The following HNF4A variants were observed in gnomAD, a reference collection of about 807,000 sequenced individuals.
HNF4A encodes hepatocyte nuclear factor 4-alpha.
A neutral mutation model predicts 52.4 loss-of-function variants in HNF4A; 15 were observed. The observed-to-expected ratio is 0.29, with a 90% confidence interval of 0.19 to 0.44. The LOEUF is 0.44. Ranked by LOEUF, HNF4A falls within the 20% of genes least tolerant of loss-of-function variation. HNF4A has a pLI of 1.00. For missense variants in HNF4A, 479 were observed against 647.2 expected (o/e 0.74, Z 2.82); for synonymous variants, 280 against 264.4 (o/e 1.06, Z -0.57).
chr20:44,379,419 G>T (rs530308235), intron 1 of HNF4A, among the ~76,000 whole-genome samples: 1 of 152,158 alleles, frequency 6.6e-6, no homozygotes, highest in Non-Finnish European at 1.5e-5. Context: ...CACCAGCAGT[G>T]ATAGGAACGT....
At chr20:44,369,872 A>G (rs1245099133) in intron 1 of HNF4A, among the ~76,000 whole-genome samples, 2 of 151,926 alleles carry the variant, frequency 1.3e-5, no homozygotes, top group African/African-American at 4.8e-5. Flanking sequence ...ACCTCAAGCG[A>G]TTTGTCCACC....
chr20:44,377,813 A>C (rs1316524261), intron 1 of HNF4A: 4 of 152,240 alleles, frequency 2.6e-5, no homozygotes, highest in Admixed American at 2.6e-4. Flanking sequence ...TCACTCTGTT[A>C]CTCAGGCTGG....
chr20:44,390,146 T>C (rs1302054251), intron 1 of HNF4A, among the ~76,000 whole-genome samples: 1 of 151,756 alleles, frequency 6.6e-6, no homozygotes, highest in Non-Finnish European at 1.5e-5. Flanking sequence ...AGCTCAGGTC[T>C]GGCAGACTCT....
chr20:44,434,333 C>G (rs569884771), downstream of HNF4A: 1 of 152,290 alleles, frequency 6.6e-6, no homozygotes, highest in African/African-American at 2.4e-5. Flanking sequence ...TTCATGCGCC[C>G]CTTTTTAGCG....
At chr20:44,358,327 A>C (rs2062880994) in intron 1 of HNF4A, among the ~76,000 whole-genome samples, 1 of 151,972 alleles carries the variant, frequency 6.6e-6, no homozygotes, top group South Asian at 2.1e-4. Context: ...CCCCTCTCCC[A>C]GGCTGGGTGC....
intron 1 of HNF4A, among the ~76,000 whole-genome samples, chr20:44,403,926 G>A (rs187835023): frequency 2.5e-3 from 378 of 152,318 alleles, no homozygotes; most frequent in Non-Finnish European, 3.9e-3. Flanking sequence ...GCCAGGAGCT[G>A]TGGGGGTCAG....
At chr20:44,413,258 T>A (rs2063612179) in intron 3 of HNF4A, among the ~76,000 whole-genome samples, 1 of 152,160 alleles carries the variant, frequency 6.6e-6, no homozygotes, top group Non-Finnish European at 1.5e-5. Context: ...AGCCCCCAGA[T>A]CCTCTTGTTC....
upstream of HNF4A, chr20:44,401,153 C>A: frequency 1.4e-6 from 2 of 1,391,648 alleles, no homozygotes; most frequent in Non-Finnish European, 1.9e-6. Flanking sequence ...GCCTATCCAC[C>A]GGCGGGGGAC....
intron 5 of HNF4A, among the ~76,000 whole-genome samples, chr20:44,417,632 C>G (rs2063683575): frequency 6.6e-6 from 1 of 152,040 alleles, no homozygotes; most frequent in African/African-American, 2.4e-5. Flanking sequence ...ATCCCTGGGC[C>G]CACCCTAAAC....
At chr20:44,406,936 C>T (rs1490250494) in intron 2 of HNF4A, among the ~76,000 whole-genome samples, 1 of 152,170 alleles carries the variant, frequency 6.6e-6, no homozygotes, top group East Asian at 1.9e-4. Context: ...ACATTCAGGG[C>T]CCCACCCATC....
chr20:44,376,312 C>CTTGTCATTGTGCAAATTG (rs993768428), intron 1 of HNF4A, among the ~76,000 whole-genome samples: 2 of 152,048 alleles, frequency 1.3e-5, no homozygotes, highest in Non-Finnish European at 2.9e-5. Context: ...TCCACGGTTG[C>CTTGTCATTGTGCAAATTG]TTGTCATTGT....
intron 7 of HNF4A, among the ~76,000 whole-genome samples, chr20:44,422,789 C>T (rs1425242037): frequency 1.3e-5 from 2 of 151,756 alleles, no homozygotes; most frequent in Non-Finnish European, 2.9e-5. Flanking sequence ...AAGCGATTCT[C>T]CCACCTCACC....
chr20:44,406,376 T>C, intron 2 of HNF4A, 144 bp downstream of exon 2: 2 of 719,570 alleles, frequency 2.8e-6, no homozygotes, highest in Admixed American at 4.8e-5. Context: ...TAAAAGACTT[T>C]GTGAATCCAA....
At chr20:44,357,660 C>T (rs1443129080) in intron 1 of HNF4A, among the ~76,000 whole-genome samples, 3 of 152,102 alleles carry the variant, frequency 2.0e-5, no homozygotes, top group Admixed American at 1.3e-4. Flanking sequence ...ATATAGCAAA[C>T]ATTCAGCAAT....
At chr20:44,397,631 CT>C (rs915875557), upstream of HNF4A, among the ~76,000 whole-genome samples, 339 of 144,086 alleles carry the variant, frequency 2.4e-3, no homozygotes, top group African/African-American at 2.5e-3. Context: ...AGAAAACATT[CT>C]TTTTTTTTTT....
chr20:44,361,696 A>T (rs1258880933), intron 1 of HNF4A, among the ~76,000 whole-genome samples: 1 of 151,334 alleles, frequency 6.6e-6, no homozygotes, highest in Non-Finnish European at 1.5e-5. Context: ...ACCAAAACAA[A>T]ACAAAACCAA....
intron 3 of HNF4A, among the ~76,000 whole-genome samples, chr20:44,410,064 T>C (rs3212188): frequency 0.46 from 69,333 of 152,094 alleles, 16,485 homozygotes; most frequent in East Asian, 0.8. Flanking sequence ...CTGGAACCCC[T>C]GACCTCAGGT....
At position 44,382,016 on chromosome 20, in the gene HNF4A, G is replaced by T. The variant is rs548545978; in HGVS notation, c.50-24042G>T. 2.6e-5 allele frequency among the ~76,000 whole-genome samples: 4 copies of T among 152,308 alleles called. No individual in the cohort carries two copies. The South Asian group carries it at 6.2e-4, about 24-fold the overall frequency. On this transcript the variant is annotated intron_variant, in intron 1 of 9. Coordinates refer to the HNF4A transcript ENST00000316673. ...ACTCCACAAAGCAATCTATGAAAAGGTCCTATCATTGATTCCTATTTTATA... is the reference window on the plus strand; with the variant it reads ...ACTCCACAAAGCAATCTATGAAAAGTTCCTATCATTGATTCCTATTTTATA...
upstream of HNF4A, among the ~76,000 whole-genome samples, chr20:44,400,746 A>ACTGCTT (rs970733826): frequency 2.6e-4 from 40 of 152,296 alleles, no homozygotes; most frequent in African/African-American, 8.7e-4. Flanking sequence ...GAACCGGGAA[A>ACTGCTT]CTGCGGGGGA....
Sources: gnomAD v4.1 joint callset for allele counts (sites outside exome capture counted in the v4.1 genomes callset) on GRCh38, gnomAD v4.1.1 for gene constraint, MANE v1.5 for transcripts, NCBI Gene and HGNC (gene_info 2026-07-23, HGNC 2026-07-21) for gene names.